The following STK25 variants were observed in gnomAD, a reference collection of about 807,000 sequenced individuals.
STK25 encodes serine/threonine-protein kinase 25.
Under a neutral mutation model 53.8 loss-of-function variants are expected in STK25, and 29 were observed. The ratio of observed to expected loss-of-function variants is 0.54; its 90% CI spans 0.40 to 0.74. The LOEUF is 0.74. Ranked by LOEUF, STK25 falls within the 30% of genes least tolerant of loss-of-function variation. The probability of loss-of-function intolerance (pLI) is 0.00; values close to 1 mark genes in which losing one functional copy is unlikely to be tolerated. For synonymous variants in STK25, 247 were observed against 238.3 expected (o/e 1.04, Z -0.33); for missense variants, 420 against 568.0 (o/e 0.74, Z 2.65).
chr2:241,501,484 G>A lies in STK25; in HGVS notation c.255C>T (p.Tyr85=). The A allele has an allele frequency of 6.2e-7, 1 of 1,613,910 alleles. No individual in the cohort carries two copies. The highest frequency in any genetic ancestry group is 8.5e-7 in the Non-Finnish European group (1 of 1,179,930). ...GCCTCCCCACAACAGGCACCTTTAG[G>A]TAGGAGCCAAAGTAGCGGGTGATGT... ...SPYITRYFGS[Y]LKSTKLWIIM... is the part of the protein sequence containing the mutation. The change falls in exon 3 of 12, where the codon TAC becomes TAT. Residue 85 remains tyrosine, a synonymous_variant. Coordinates refer to ENST00000316586, the MANE Select transcript of STK25 (RefSeq NM_001271977.2). The surrounding 1 kb of genome is among the most constrained non-coding windows in gnomAD (Gnocchi z 5.3).
Position 241,493,370 on chromosome 2 carries a change from A to AGAC in STK25, c.*2289_*2291dup. 6.2e-7 allele frequency: 1 copy of AGAC among 1,613,996 alleles called. No homozygotes were observed. Among genetic ancestry groups the AGAC allele is most frequent in the Non-Finnish European group, 8.5e-7 (1 of 1,179,968 alleles). On this transcript the variant is annotated 3_prime_UTR_variant, in exon 12 of 12. Transcript: ENST00000316586. ...CCAGGGAGGCCGATGGCATACACAA[A>AGAC]GACTATGTTTTCAAGCTCCAGTTCA...
chr2:241,507,866 G>T, intron 2 of STK25, 140 bp downstream of exon 2: 1 of 880,210 alleles, frequency 1.1e-6, no homozygotes. Context: ...ACCTCAGGAC[G>T]GCTCCGCTGG....
chr2:241,499,471 G>A, intron 5 of STK25, 57 bp from the exon 6 acceptor site: 1 of 1,576,640 alleles, frequency 6.3e-7, no homozygotes, highest in Middle Eastern at 1.7e-4. Flanking sequence ...TCCACCCCGG[G>A]CCCCCTGAGA....
intron 2 of STK25, among the ~76,000 whole-genome samples, chr2:241,506,680 T>C (rs2065850967): frequency 6.6e-6 from 1 of 152,174 alleles, no homozygotes; most frequent in Non-Finnish European, 1.5e-5. Context: ...GACAGGAGAA[T>C]CGCTTGTACT....
Position 241,496,645 on chromosome 2 carries a change from A to T in STK25, c.1105-111T>A. ...GAGGCCTTCAGGGCTCTCGCCTAGG[A>T]GCCACACCCGGGAGCCCTTCAGCAA... On this transcript the variant is annotated intron_variant, in intron 10 of 11. Coordinates refer to ENST00000316586, the MANE Select transcript of STK25 (RefSeq NM_001271977.2). The surrounding 1 kb of genome is among the most constrained non-coding windows in gnomAD (Gnocchi z 5.8). 1 of 1,280,886 alleles carries T rather than the reference A, an allele frequency of 7.8e-7. No individual in the cohort carries two copies. The highest frequency in any genetic ancestry group is 1.1e-6 in the Non-Finnish European group (1 of 939,970). 79.3% of individuals were successfully genotyped at this position (1,280,886 alleles called of 1,614,324 possible).
Position 241,495,436 on chromosome 2 carries a change from A to C in STK25, c.*226T>G, listed in dbSNP as rs1351740079. On this transcript the variant is annotated 3_prime_UTR_variant, in exon 12 of 12. Transcript: ENST00000316586. Reference sequence around the variant, plus strand: ...GCAATACTGCTGGGCCAGGAGAGGGAGGAGGGCAGTGGGCATAGAGAACAG... The same window carrying C: ...GCAATACTGCTGGGCCAGGAGAGGGCGGAGGGCAGTGGGCATAGAGAACAG... 3 of 554,372 alleles carry C rather than the reference A, an allele frequency of 5.4e-6. No individual in the cohort carries two copies. Among genetic ancestry groups the C allele is most frequent in the Non-Finnish European group, 9.7e-6 (3 of 308,894 alleles). The allele number at this position is 554,372 out of a possible 1,614,324, so 34.3% of individuals were successfully genotyped here. A position where few individuals can be genotyped will look rare whatever the true frequency, so the allele number is the denominator to read the frequency against.
Position 241,501,313 on chromosome 2 carries a change from C to G in STK25, c.261+165G>C, listed in dbSNP as rs931223603. ...TGGCCATTTAGAGCCAACTGACCCTCGTGGACGAGGGCTCACACCCTGCCT... is the reference window on the plus strand; with the variant it reads ...TGGCCATTTAGAGCCAACTGACCCTGGTGGACGAGGGCTCACACCCTGCCT... On this transcript the variant is annotated intron_variant, in intron 3 of 11. Transcript: ENST00000316586. This position sits in a 1 kb window ranked among gnomAD's most constrained non-coding sequence, Gnocchi z 5.3. 1 of 702,754 alleles carries G rather than the reference C, an allele frequency of 1.4e-6. No individual in the cohort carries two copies. The highest frequency in any genetic ancestry group is 1.7e-5 in the South Asian group (1 of 59,404). The allele number at this position is 702,754 out of a possible 1,614,324, so 43.5% of individuals were successfully genotyped here.
In STK25 at chr2:241,493,469, G is replaced by C; in HGVS notation, c.*2193C>G. 6.2e-7 allele frequency: 1 copy of C among 1,609,472 alleles called. No individual in the cohort carries two copies. The highest frequency in any genetic ancestry group is 8.5e-7 in the Non-Finnish European group (1 of 1,176,346). On this transcript the variant is annotated 3_prime_UTR_variant, in exon 12 of 12. Transcript: ENST00000316586. ...GGTAATTTTGCAGGAGGCAGCCCTGGTCAGCTGCCCATTTCGATGTCCGCT... is the reference window on the plus strand; with the variant it reads ...GGTAATTTTGCAGGAGGCAGCCCTGCTCAGCTGCCCATTTCGATGTCCGCT...
intron 8 of STK25, 127 bp from the exon 9 acceptor site, chr2:241,498,476 C>T: frequency 8.0e-7 from 1 of 1,242,246 alleles, no homozygotes; most frequent in Non-Finnish European, 1.1e-6. Context: ...CCACGGGGTC[C>T]AGCTGATGCC....
chr2:241,508,435 GC>G lies in STK25; in HGVS notation c.-101+7del. The G allele has an allele frequency of 9.3e-7, 1 of 1,079,482 alleles. No homozygotes were observed. Among genetic ancestry groups the G allele is most frequent in the Non-Finnish European group, 1.1e-6 (1 of 886,668 alleles). 66.9% of individuals were successfully genotyped at this position (1,079,482 alleles called of 1,614,324 possible). ...CGCCGCAAGCGCCCCGCCCGGCAGC[GC>G]GCCCACCTCCGCGGGGCTCCATCCC... On this transcript the variant is annotated splice_region_variant and intron_variant, in intron 1 of 11. Transcript: ENST00000316586.
At position 241,499,197 on chromosome 2, in the gene STK25, T is replaced by C. The variant is rs551497041; in HGVS notation, c.586-23A>G. ...AGCCTGGACAGAACACAAGGACTGT[T>C]GCTGCCCTGAGCACCCGAGCCAGGC... On this transcript the variant is annotated intron_variant, in intron 6 of 11. Coordinates refer to ENST00000316586, the MANE Select transcript of STK25 (RefSeq NM_001271977.2). 160 of 1,613,814 alleles carry C rather than the reference T, an allele frequency of 9.9e-5. 2 individuals are homozygous for C. In the South Asian group the frequency reaches 1.7e-3, roughly 17 times the overall value.
Position 241,508,466 on chromosome 2 carries a change from TC to T in STK25, c.-125del. 9 of 1,061,310 alleles carry T rather than the reference TC, an allele frequency of 8.5e-6. No homozygotes were observed. The highest frequency in any genetic ancestry group is 5.2e-5 in the South Asian group (2 of 38,302). 65.7% of individuals were successfully genotyped at this position (1,061,310 alleles called of 1,614,324 possible). A position where few individuals can be genotyped will look rare whatever the true frequency, so the allele number is the denominator to read the frequency against. Reference sequence around the variant, plus strand: ...ACCTCCGCGGGGCTCCATCCCGGCCTCCCCCGGCCCGCTCTGCAGCGCCCGC... The same window carrying T: ...ACCTCCGCGGGGCTCCATCCCGGCCTCCCCGGCCCGCTCTGCAGCGCCCGC... On this transcript the variant is annotated 5_prime_UTR_variant, in exon 1 of 12. Coordinates refer to ENST00000316586, the MANE Select transcript of STK25 (RefSeq NM_001271977.2).
chr2:241,495,696 G>T lies in STK25; in HGVS notation c.1247C>A (p.Ser416Ter), dbSNP rs1246625585. ...GGATGTCAGGTGGTTTCTGTTGTGT[G>T]AAAACCTGCAGAGAGAAGAGCCCAC... ...VHLVERVQRF[S>*]HNRNHLTSTR Residue 416 changes from serine to a stop codon, truncating the protein, a stop_gained, in exon 12 of 12, where the codon TCA (serine) becomes TAA (stop). Coordinates refer to ENST00000316586, the MANE Select transcript of STK25 (RefSeq NM_001271977.2). LOFTEE classifies it high-confidence loss of function. 1.9e-6 allele frequency: 3 copies of T among 1,614,214 alleles called. No individual in the cohort carries two copies. Among genetic ancestry groups the T allele is most frequent in the Admixed American group, 1.7e-5 (1 of 60,026 alleles).
At position 241,500,758 on chromosome 2, in the gene STK25, G is replaced by A. The variant is rs146121086; in HGVS notation, c.300C>T (p.Gly100=). 25 of 1,613,734 alleles carry A rather than the reference G, an allele frequency of 1.5e-5. No individual in the cohort carries two copies. The African/African-American group carries it at 1.6e-4, about 10-fold the overall frequency. The change falls in exon 4 of 12, where the codon GGC becomes GGT. Residue 100 remains glycine (G), a synonymous_variant. Coordinates refer to ENST00000316586, the MANE Select transcript of STK25 (RefSeq NM_001271977.2). ...GCCTCACCAAGTCCAGTGCTGAGCC[G>A]CCGCCCAGGTACTCCATGATGATCC... The part of the protein sequence containing the change: ...KLWIIMEYLG[G]GSALDLLKPG...
rs757392362 is a variant in STK25 at position 241,499,015 on chromosome 2, C to T, written c.745G>A (p.Ala249Thr). The T allele has an allele frequency of 6.2e-7, 1 of 1,613,840 alleles. No individual in the cohort carries two copies. Among genetic ancestry groups the T allele is most frequent in the Non-Finnish European group, 8.5e-7 (1 of 1,179,952 alleles). ...AATCGGGGGTCTTTGTTGAGGCAGG[C>T]CTCCACGAACTCCTTGAAGGGCTTG... The part of the protein sequence containing the change: ...HSKPFKEFVE[A>T]CLNKDPRFRP... The change falls in exon 7 of 12, where the codon GCC becomes ACC. Residue 249 changes from alanine to threonine, a missense_variant. Transcript: ENST00000316586.
Position 241,499,333 on chromosome 2 carries a change from A to C in STK25, c.509T>G (p.Ile170Ser). The C allele has an allele frequency of 6.2e-7, 1 of 1,613,896 alleles. No homozygotes were observed. Among genetic ancestry groups the C allele is most frequent in the Non-Finnish European group, 8.5e-7 (1 of 1,179,958 alleles). Residue 170 changes from isoleucine (I) to serine (S), a missense_variant, in exon 6 of 12, where the codon ATT becomes AGT. Coordinates refer to ENST00000316586, the MANE Select transcript of STK25 (RefSeq NM_001271977.2). Reference protein sequence around the residue: ...GVAGQLTDTQIKRNTFVGTPF... With the variant: ...GVAGQLTDTQSKRNTFVGTPF... ...GGTGCCCACGAATGTGTTCCTCTTA[A>C]TCTGCGTGTCTGTGAGCTGCCCTGC...
Position 241,498,223 on chromosome 2 carries a change from CCAGGA to C in STK25, c.1032+7_1032+11del. 6.2e-7 allele frequency: 1 copy of C among 1,612,026 alleles called. No individual in the cohort carries two copies. The highest frequency in any genetic ancestry group is 1.7e-5 in the Admixed American group (1 of 60,004). On this transcript the variant is annotated splice_region_variant and intron_variant, in intron 9 of 11. Transcript: ENST00000316586. ...GGGTGCACAGAGGGCAAAGGCCAGG[CCAGGA>C]ACAGACCTTCTGTGAACTGTGCAGG...
intron 11 of STK25, among the ~76,000 whole-genome samples, chr2:241,495,937 C>T (rs554093471): frequency 2.0e-5 from 3 of 152,336 alleles, no homozygotes; most frequent in East Asian, 1.9e-4. Context: ...CAGGACTTGG[C>T]GCATCTGCCG....
At position 241,495,094 on chromosome 2, in the gene STK25, A is replaced by G. The variant is rs1442609839; in HGVS notation, c.*568T>C. 2 of 152,634 alleles carry G rather than the reference A, an allele frequency of 1.3e-5. No homozygotes were observed. Among genetic ancestry groups the G allele is most frequent in the African/African-American group, 2.4e-5 (1 of 41,456 alleles). The allele number at this position is 152,634 out of a possible 1,614,324, so 9.5% of individuals were successfully genotyped here. ...TGAAAACTAACATATTAACCTCAGA[A>G]TATTTCAGGAAACAAGTAATTCAAT... On this transcript the variant is annotated 3_prime_UTR_variant, in exon 12 of 12. Transcript: ENST00000316586.
Sources: gnomAD v4.1 joint callset for allele counts (sites outside exome capture counted in the v4.1 genomes callset) on GRCh38, gnomAD v4.1.1 for gene constraint, Gnocchi (gnomAD v3.1) non-coding constraint, MANE v1.5 for transcripts, NCBI Gene and HGNC (gene_info 2026-07-23, HGNC 2026-07-21) for gene names.